Variants in TTC38 observed in about 807,000 individuals in gnomAD.
TTC38 encodes the protein tetratricopeptide repeat domain 38.
In TTC38, 64 loss-of-function variants were observed where a neutral mutation model predicts 64.2. The observed-to-expected ratio is 1.00, with a 90% CI of 0.81 to 1.23. TTC38 has a LOEUF of 1.23. Among genes scored for constraint, TTC38 ranks in the 50% most tolerant of loss-of-function variants. The pLI is 0.00. For missense variants in TTC38, 573 were observed against 615.5 expected (o/e 0.93, Z 0.73); for synonymous variants, 254 against 249.3 (o/e 1.02, Z -0.18).
At position 46,291,081 on chromosome 22, in the gene TTC38, C is replaced by T. The variant is rs1232631664; in HGVS notation, c.1316+1182C>T. On this transcript the variant is annotated intron_variant, in intron 13 of 13. Coordinates refer to ENST00000381031, the MANE Select transcript of TTC38 (RefSeq NM_017931.4). The surrounding 1 kb of genome is among the most constrained non-coding windows in gnomAD (Gnocchi z 4.6). ...GCAGGGTTACCCAAACTGAGCTGTACAGGTTCTGTGGTACTCATGAAACAG... is the reference window on the plus strand; with the variant it reads ...GCAGGGTTACCCAAACTGAGCTGTATAGGTTCTGTGGTACTCATGAAACAG... 6.6e-6 allele frequency among the ~76,000 whole-genome samples: 1 copy of T among 152,202 alleles called. No individual in the cohort carries two copies. Among genetic ancestry groups the T allele is most frequent in the East Asian group, 1.9e-4 (1 of 5,196 alleles).
In TTC38 at chr22:46,289,475, G is replaced by T; in HGVS notation, c.1156G>T (p.Ala386Ser). 6.2e-7 allele frequency: 1 copy of T among 1,609,394 alleles called. No individual in the cohort carries two copies. Among genetic ancestry groups the T allele is most frequent in the African/African-American group, 1.3e-5 (1 of 75,068 alleles). The stretch of plus-strand genomic sequence containing the variant: ...GCCCCTGTGCCAGGCCCTGGTGGAG[G>T]CTGAGGACGGGAACCCTGACCGCGT... The part of the protein sequence containing the change: ...GLPLCQALVE[A>S]EDGNPDRVLE... The change falls in exon 12 of 14, where the codon GCT (alanine) becomes TCT (serine). Residue 386 changes from alanine to serine, a missense_variant. Coordinates refer to ENST00000381031, the MANE Select transcript of TTC38 (RefSeq NM_017931.4).
rs1433531593 is a variant in TTC38 at position 46,271,211 on chromosome 22, GAGGA to G, written c.112-1122_112-1119del. ...CGATGTGGAGCAGGTCACCTGTCAGGAGGAACCTGCCTTTTCTTTCTTTTCTTTT... is the reference window on the plus strand; with the variant it reads ...CGATGTGGAGCAGGTCACCTGTCAGGACCTGCCTTTTCTTTCTTTTCTTTT... On this transcript the variant is annotated intron_variant, in intron 2 of 13. Transcript: ENST00000381031. This position sits in a 1 kb window ranked among gnomAD's most constrained non-coding sequence, Gnocchi z 5.5. Among the ~76,000 whole-genome samples the G allele has an allele frequency of 6.6e-6, 1 of 152,180 alleles. No individual in the cohort carries two copies. Among genetic ancestry groups the G allele is most frequent in the African/African-American group, 2.4e-5 (1 of 41,448 alleles).
rs1277006500 is a variant in TTC38 at position 46,289,524 on chromosome 22, G to A, written c.1205G>A (p.Arg402His). 1.0e-5 allele frequency: 16 copies of A among 1,604,936 alleles called. No individual in the cohort carries two copies. The highest frequency in any genetic ancestry group is 8.4e-5 in the Admixed American group (5 of 59,658). ...DRVLELLLPIRYRIVQLGGSN... is the reference protein window; with the variant it reads ...DRVLELLLPIHYRIVQLGGSN... ...GTCCTGGAGCTGCTCCTGCCCATCC[G>A]CTACCGGATCGTCCAGCTCGGTGGG... Residue 402 changes from arginine (R) to histidine (H), a missense_variant, in exon 12 of 14, where the codon CGC (arginine) becomes CAC (histidine). Around this residue, in one of 3 missense-constraint regions of TTC38, gnomAD observed 371 missense variants for 381.8 expected, o/e 0.97. Coordinates refer to ENST00000381031, the MANE Select transcript of TTC38 (RefSeq NM_017931.4).
intron 2 of TTC38, among the ~76,000 whole-genome samples, chr22:46,269,570 C>T (rs1474909566): frequency 6.6e-6 from 1 of 152,184 alleles, no homozygotes; most frequent in African/African-American, 2.4e-5. Context: ...CCCCTGCATA[C>T]TGACTTCATC....
chr22:46,269,659 C>T (rs976682442), intron 2 of TTC38, among the ~76,000 whole-genome samples: 3 of 152,334 alleles, frequency 2.0e-5, no homozygotes, highest in East Asian at 1.9e-4. Context: ...CTGTGAGCTG[C>T]GCCATGGGTG....
At position 46,271,949 on chromosome 22, in the gene TTC38, A is replaced by G. The variant is rs1165362416; in HGVS notation, c.112-386A>G. 6.6e-6 allele frequency among the ~76,000 whole-genome samples: 1 copy of G among 152,244 alleles called. No individual in the cohort carries two copies. Among genetic ancestry groups the G allele is most frequent in the Non-Finnish European group, 1.5e-5 (1 of 68,046 alleles). ...TTATGCCTTCTTTGGGTTAGAGTCC[A>G]GAAAATACTCAGTGTTCTACAAAGA... On this transcript the variant is annotated intron_variant, in intron 2 of 13. Transcript: ENST00000381031. The surrounding 1 kb of genome is among the most constrained non-coding windows in gnomAD (Gnocchi z 5.5).
chr22:46,281,634 G>C lies in TTC38; in HGVS notation c.651G>C (p.Val217=). Residue 217 remains valine (V), a synonymous_variant, in exon 7 of 14, where the codon GTG becomes GTC. Coordinates refer to ENST00000381031, the MANE Select transcript of TTC38 (RefSeq NM_017931.4). The surrounding 1 kb of genome is among the most constrained non-coding windows in gnomAD (Gnocchi z 5.2). The part of the protein sequence containing the change: ...LSINPTDAWS[V]HTVAHIHEMK... ...TTAACCCGACAGACGCATGGTCGGT[G>C]CACACCGTCGCTCACATCCACGAGA... 4.3e-6 allele frequency: 7 copies of C among 1,614,166 alleles called. No individual in the cohort carries two copies. The highest frequency in any genetic ancestry group is 5.9e-6 in the Non-Finnish European group (7 of 1,180,028).
Position 46,292,744 on chromosome 22 carries a change from T to C in TTC38, c.1317-47T>C. On this transcript the variant is annotated intron_variant, in intron 13 of 13. Coordinates refer to ENST00000381031, the MANE Select transcript of TTC38 (RefSeq NM_017931.4). This position sits in a 1 kb window ranked among gnomAD's most constrained non-coding sequence, Gnocchi z 6.5. ...GACCAAGGGACCACCAGGCCCCACA[T>C]CCCTCTAGAAGGTTCTGTAACAGGA... 6.5e-7 allele frequency: 1 copy of C among 1,539,070 alleles called. No homozygotes were observed. The highest frequency in any genetic ancestry group is 1.1e-5 in the South Asian group (1 of 89,616).
Position 46,278,670 on chromosome 22 carries a change from G to A in TTC38, c.615+9G>A. On this transcript the variant is annotated intron_variant, in intron 6 of 13. Transcript: ENST00000381031. ...AAAAACTCGCCAAAGAGGTAAGTGG[G>A]TCCTTCCTAAGGTGCCTGACCCCTC... 2 of 1,613,370 alleles carry A rather than the reference G, an allele frequency of 1.2e-6. No individual in the cohort carries two copies. Among genetic ancestry groups the A allele is most frequent in the Non-Finnish European group, 8.5e-7 (1 of 1,179,320 alleles).
rs1363700871 is a variant in TTC38 at position 46,287,138 on chromosome 22, C to T, written c.900C>T (p.Tyr300=). The change falls in exon 10 of 14, where the codon TAC becomes TAT. Residue 300 remains tyrosine (Y), a synonymous_variant. Coordinates refer to ENST00000381031, the MANE Select transcript of TTC38 (RefSeq NM_017931.4). Reference sequence around the variant, plus strand: ...TGGTGGACAGCTGCTCCATGCTCTACCGCCTGCAGATGGAAGGTAGCCATC... The same window carrying T: ...TGGTGGACAGCTGCTCCATGCTCTATCGCCTGCAGATGGAAGGTAGCCATC... The part of the protein sequence containing the change: ...LDVVDSCSML[Y]RLQMEGVSVG... 3 of 1,603,306 alleles carry T rather than the reference C, an allele frequency of 1.9e-6. No homozygotes were observed. The highest frequency in any genetic ancestry group is 2.2e-5 in the East Asian group (1 of 44,692).
intron 8 of TTC38, among the ~76,000 whole-genome samples, chr22:46,284,784 G>A (rs1396146086): frequency 6.8e-6 from 1 of 148,088 alleles, no homozygotes; most frequent in Non-Finnish European, 1.5e-5. Context: ...CATGAGAATC[G>A]CTTGAACCTG....
At position 46,275,208 on chromosome 22, in the gene TTC38, A is replaced by G. The variant is rs374522338; in HGVS notation, c.366-40A>G. On this transcript the variant is annotated intron_variant, in intron 4 of 13. Coordinates refer to ENST00000381031, the MANE Select transcript of TTC38 (RefSeq NM_017931.4). The surrounding 1 kb of genome is among the most constrained non-coding windows in gnomAD (Gnocchi z 4.5). ...CTTACACTCCCTGTGTGGGTGGACT[A>G]TGTGTTCAGCGTTGGTGAGAAATCT... The G allele has an allele frequency of 4.3e-5, 69 of 1,586,820 alleles. No homozygotes were observed. The South Asian group carries it at 4.6e-4, about 11-fold the overall frequency.
Position 46,275,569 on chromosome 22 carries a change from T to G in TTC38, c.539+148T>G, listed in dbSNP as rs1057280947. 1.3e-6 allele frequency: 1 copy of G among 748,872 alleles called. No individual in the cohort carries two copies. The highest frequency in any genetic ancestry group is 1.8e-5 in the African/African-American group (1 of 56,396). 46.4% of individuals were successfully genotyped at this position (748,872 alleles called of 1,614,324 possible). ...TTCCTTAAAGTTCAAAGGCCTCATTTTCTTCACTTGATTTTCATCCCACCT... is the reference window on the plus strand; with the variant it reads ...TTCCTTAAAGTTCAAAGGCCTCATTGTCTTCACTTGATTTTCATCCCACCT... On this transcript the variant is annotated intron_variant, in intron 5 of 13. Transcript: ENST00000381031. The surrounding 1 kb of genome is among the most constrained non-coding windows in gnomAD (Gnocchi z 4.5).
At chr22:46,290,431 C>G (rs9615936) in intron 13 of TTC38, among the ~76,000 whole-genome samples, 15,163 of 149,018 alleles carry the variant, frequency 0.1, 953 homozygotes, top group African/African-American at 0.13. Flanking sequence ...AGACCCGAAA[C>G]CACAGTGGGT....
In TTC38 at chr22:46,292,725, G is replaced by C; in HGVS notation, c.1317-66G>C. 2 of 1,435,080 alleles carry C rather than the reference G, an allele frequency of 1.4e-6. 1 individual carries two copies. The highest frequency in any genetic ancestry group is 2.3e-5 in the South Asian group (2 of 87,090). 88.9% of individuals were successfully genotyped at this position (1,435,080 alleles called of 1,614,324 possible). ...TGCCTGTGTTCTGCCTTGGGACCAAGGGACCACCAGGCCCCACATCCCTCT... is the reference window on the plus strand; with the variant it reads ...TGCCTGTGTTCTGCCTTGGGACCAACGGACCACCAGGCCCCACATCCCTCT... On this transcript the variant is annotated intron_variant, in intron 13 of 13. Coordinates refer to ENST00000381031, the MANE Select transcript of TTC38 (RefSeq NM_017931.4). The surrounding 1 kb of genome is among the most constrained non-coding windows in gnomAD (Gnocchi z 6.5).
rs1569016062 is a variant in TTC38, at chr22:46,275,149, A to G, written c.366-99A>G. 5.0e-6 allele frequency: 6 copies of G among 1,205,468 alleles called. No homozygotes were observed. The Admixed American group carries it at 1.1e-4, about 22-fold the overall frequency. 74.7% of individuals were successfully genotyped at this position (1,205,468 alleles called of 1,614,324 possible). ...AACTGATTTTTAAAAAAACACATCCATGTAGACCATGACACTGGTGAGAAA... is the reference window on the plus strand; with the variant it reads ...AACTGATTTTTAAAAAAACACATCCGTGTAGACCATGACACTGGTGAGAAA... On this transcript the variant is annotated intron_variant, in intron 4 of 13. Transcript: ENST00000381031. The surrounding 1 kb of genome is among the most constrained non-coding windows in gnomAD (Gnocchi z 4.5).
At position 46,282,507 on chromosome 22, in the gene TTC38, T is replaced by G. The variant is rs1407067840; in HGVS notation, c.735+789T>G. Among the ~76,000 whole-genome samples, 1 of 152,186 alleles carries G rather than the reference T, an allele frequency of 6.6e-6. No homozygotes were observed. The highest frequency in any genetic ancestry group is 1.5e-5 in the Non-Finnish European group (1 of 68,028). ...GGGACAGGGACACAGCGTCGCTCAC[T>G]CAGCGTTTACTGAATACCTGCTTTG... is the stretch of plus-strand genomic sequence containing the variant. On this transcript the variant is annotated intron_variant, in intron 7 of 13. Coordinates refer to ENST00000381031, the MANE Select transcript of TTC38 (RefSeq NM_017931.4). The surrounding 1 kb of genome is among the most constrained non-coding windows in gnomAD (Gnocchi z 4.4).
chr22:46,288,542 C>T lies in TTC38; in HGVS notation c.1036C>T (p.Pro346Ser). The change falls in exon 11 of 14, where the codon CCC becomes TCC. Residue 346 changes from proline to serine, a missense_variant. By Grantham distance (74) the Pro-to-Ser change is moderately conservative. Coordinates refer to ENST00000381031, the MANE Select transcript of TTC38 (RefSeq NM_017931.4). Reference protein sequence around the residue: ...FLMASLGAHDPQTTQELLTTL... With the variant: ...FLMASLGAHDSQTTQELLTTL... ...GATGGCATCCCTGGGTGCACACGAC[C>T]CCCAGACCACACAGGAGCTGCTGAC... 6.2e-7 allele frequency: 1 copy of T among 1,613,998 alleles called. No individual in the cohort carries two copies. The highest frequency in any genetic ancestry group is 1.1e-5 in the South Asian group (1 of 91,078).
In TTC38 at chr22:46,288,649, C is replaced by CT. The variant is rs2077589343; in HGVS notation, c.1082+62dup. 1.9e-6 allele frequency: 3 copies of CT among 1,546,690 alleles called. No homozygotes were observed. In the South Asian group the frequency reaches 3.6e-5, roughly 18 times the overall value. ...ACCCTGCCGAGAGGGTGAGGGGGTG[C>CT]TAGGGCCATGCTGAGACCTGTTCAG... On this transcript the variant is annotated intron_variant, in intron 11 of 13. Coordinates refer to ENST00000381031, the MANE Select transcript of TTC38 (RefSeq NM_017931.4).
Sources: allele counts gnomAD v4.1 joint callset (sites outside exome capture counted in the v4.1 genomes callset), GRCh38; gene constraint gnomAD v4.1.1; regional missense constraint gnomAD v4.1.1; non-coding constraint Gnocchi (gnomAD v3.1); transcripts MANE v1.5; gene names NCBI Gene and HGNC (gene_info 2026-07-23, HGNC 2026-07-21).